The following DGUOK variants were observed in gnomAD, a reference collection of about 807,000 sequenced individuals.
The protein encoded by DGUOK is deoxyguanosine kinase.
Under a neutral mutation model 36.6 loss-of-function variants are expected in DGUOK, and 30 were observed. That is an observed-to-expected ratio of 0.82 (90% CI 0.61 to 1.11). The LOEUF (loss-of-function observed/expected upper bound fraction) is 1.11. Among genes scored for constraint, DGUOK ranks in the 50% most tolerant of loss-of-function variants. The probability of loss-of-function intolerance (pLI) is 0.00; values close to 1 mark genes in which losing one functional copy is unlikely to be tolerated. For synonymous variants in DGUOK, 145 were observed against 126.3 expected (o/e 1.15, Z -0.99); for missense variants, 361 against 336.4 (o/e 1.07, Z -0.57).
At chr2:73,933,266 G>A (rs1681194979) in intron 1 of DGUOK, among the ~76,000 whole-genome samples, 1 of 152,206 alleles carries the variant, frequency 6.6e-6, no homozygotes, top group Non-Finnish European at 1.5e-5. Context: ...GATTCTCTGT[G>A]CCTGTGACTC....
At chr2:73,928,730 A>G (rs559152378) in intron 1 of DGUOK, among the ~76,000 whole-genome samples, 1 of 152,164 alleles carries the variant, frequency 6.6e-6, no homozygotes, top group African/African-American at 2.4e-5. Context: ...AGCCATTGGA[A>G]GGTTTGAGGA....
chr2:73,926,979 C>A lies in DGUOK; in HGVS notation c.69C>A (p.Leu23=). The change falls in exon 1 of 7, where the codon CTC becomes CTA. Residue 23 remains leucine (L), a synonymous_variant. Transcript: ENST00000264093. ...TCAGTTCCATGGCCAAGAGCCCACT[C>A]GAGGGCGTTTCCTCCTCCAGAGGCC... is the stretch of plus-strand genomic sequence containing the variant. ...APFSSMAKSP[L]EGVSSSRGLH... The A allele has an allele frequency of 6.2e-7, 1 of 1,612,794 alleles. No homozygotes were observed. Among genetic ancestry groups the A allele is most frequent in the South Asian group, 1.1e-5 (1 of 91,090 alleles).
rs1179028732 is a variant in DGUOK at position 73,950,727 on chromosome 2, C to T, written c.586C>T (p.Pro196Ser). Residue 196 changes from proline (P) to serine (S), a missense_variant, in exon 4 of 7, where the codon CCC becomes TCC. Coordinates refer to ENST00000264093, the MANE Select transcript of DGUOK (RefSeq NM_080916.3). ...LHGFIYLQAS[P>S]QVCLKRLYQR... is the part of the protein sequence containing the mutation. ...TGGCTTCATCTACCTCCAGGCTTCT[C>T]CCCAGGTAACACTGAACCTACAACC... The T allele has an allele frequency of 3.1e-6, 5 of 1,614,160 alleles. No individual in the cohort carries two copies. The South Asian group carries it at 3.3e-5, about 11-fold the overall frequency.
intron 5 of DGUOK, 69 bp from the exon 6 acceptor site, chr2:73,958,077 G>T: frequency 8.3e-7 from 1 of 1,200,436 alleles, no homozygotes; most frequent in South Asian, 1.2e-5. Context: ...AAGACTTGGC[G>T]AGTATGTGAA....
At chr2:73,931,052 T>G (rs1680995643) in intron 1 of DGUOK, among the ~76,000 whole-genome samples, 1 of 152,088 alleles carries the variant, frequency 6.6e-6, no homozygotes. Context: ...AGCTTCGGCC[T>G]CCCAAAGTGC....
intron 2 of DGUOK, among the ~76,000 whole-genome samples, chr2:73,944,207 A>G (rs1017509895): frequency 6.6e-6 from 1 of 152,038 alleles, no homozygotes; most frequent in African/African-American, 2.4e-5. Flanking sequence ...TTTTGTGGAG[A>G]CAGAGTCTCA....
Position 73,938,922 on chromosome 2 carries a change from C to T in DGUOK, c.155C>T (p.Ser52Phe), listed in dbSNP as rs1204316787. 11 of 1,612,854 alleles carry T rather than the reference C, an allele frequency of 6.8e-6. No homozygotes were observed. The highest frequency in any genetic ancestry group is 9.3e-6 in the Non-Finnish European group (11 of 1,179,006). Reference protein sequence around the residue: ...SIEGNIAVGKSTFVKLLTKTY... With the variant: ...SIEGNIAVGKFTFVKLLTKTY... ...ATTTGCATTGCAGCTGTGGGAAAGT[C>T]CACGTTTGTGAAGTTACTCACGAAA... The change falls in exon 2 of 7, where the codon TCC becomes TTC. Residue 52 changes from serine to phenylalanine, a missense_variant. Ser to Phe is a radical substitution (Grantham distance 155, BLOSUM62 -2). Transcript: ENST00000264093.
intron 2 of DGUOK, among the ~76,000 whole-genome samples, chr2:73,943,368 C>T (rs1487715727): frequency 2.0e-5 from 3 of 149,332 alleles, no homozygotes; most frequent in Non-Finnish European, 4.4e-5. Context: ...CACTTTGCTG[C>T]CCAGGCTGGT....
At chr2:73,944,101 C>G (rs1682111648) in intron 2 of DGUOK, among the ~76,000 whole-genome samples, 1 of 152,140 alleles carries the variant, frequency 6.6e-6, no homozygotes, top group Non-Finnish European at 1.5e-5. Context: ...CACTGTAGCA[C>G]TGAACTCCTG....
chr2:73,945,212 A>G (rs1192931813), intron 2 of DGUOK, among the ~76,000 whole-genome samples: 1 of 152,220 alleles, frequency 6.6e-6, no homozygotes, highest in African/African-American at 2.4e-5. Flanking sequence ...TCTACTCATC[A>G]GTTACTTCCC....
At chr2:73,941,485 A>G (rs931505897) in intron 2 of DGUOK, among the ~76,000 whole-genome samples, 5 of 152,228 alleles carry the variant, frequency 3.3e-5, no homozygotes, top group Non-Finnish European at 7.3e-5. Context: ...AGATTTACAT[A>G]TACTTACATA....
chr2:73,950,825 A>G, intron 4 of DGUOK, 93 bp downstream of exon 4: 2 of 1,537,200 alleles, frequency 1.3e-6, no homozygotes, highest in Admixed American at 3.3e-5. Flanking sequence ...TGGAGAGATT[A>G]GAGCGTAGAC....
chr2:73,945,712 C>T (rs1355448551), intron 2 of DGUOK, among the ~76,000 whole-genome samples: 5 of 152,186 alleles, frequency 3.3e-5, no homozygotes, highest in Non-Finnish European at 7.3e-5. Context: ...TGCTTTTGTA[C>T]AAAATTCACT....
At chr2:73,948,590 T>C (rs7606862) in intron 3 of DGUOK, among the ~76,000 whole-genome samples, 86,589 of 152,178 alleles carry the variant, frequency 0.57, 25,912 homozygotes, top group Non-Finnish European at 0.65. Flanking sequence ...ACCCAGTCCC[T>C]GCCTAACAGG....
rs1804599 is a variant in DGUOK, at chr2:73,946,886, G to A, written c.423G>A (p.Glu141=). The part of the protein sequence containing the change: ...LQARKPVQIF[E]RSVYSDRYIF... ...CCAGGAAGCCAGTACAGATCTTTGA[G>A]AGGTCTGTGTACAGTGACAGGTAAA... is the stretch of plus-strand genomic sequence containing the variant. Residue 141 remains glutamate, a synonymous_variant, in exon 3 of 7, where the codon GAG becomes GAA. Coordinates refer to ENST00000264093, the MANE Select transcript of DGUOK (RefSeq NM_080916.3). 2.7e-3 allele frequency: 4,401 copies of A among 1,612,918 alleles called. 124 individuals are homozygous for A. The African/African-American group carries it at 0.05, about 18-fold the overall frequency.
At chr2:73,939,584 A>G (rs956972433) in intron 2 of DGUOK, among the ~76,000 whole-genome samples, 7 of 152,228 alleles carry the variant, frequency 4.6e-5, no homozygotes, top group Non-Finnish European at 1.0e-4. Flanking sequence ...CAGAGGCCAT[A>G]GAGTTGGTTT....
intron 3 of DGUOK, 59 bp downstream of exon 3, chr2:73,946,965 C>G (rs1682384983): frequency 3.4e-6 from 5 of 1,457,146 alleles, no homozygotes; most frequent in Non-Finnish European, 4.7e-6. Context: ...CCTGTTTGAT[C>G]TTGCACAGAT....
chr2:73,935,082 A>ATAAG (rs1681358059), intron 1 of DGUOK, among the ~76,000 whole-genome samples: 1 of 109,392 alleles, frequency 9.1e-6, no homozygotes, highest in African/African-American at 3.0e-5. Flanking sequence ...TCAAAAATAA[A>ATAAG]TAAATAAACA....
chr2:73,953,350 A>G (rs1682843000), intron 4 of DGUOK, among the ~76,000 whole-genome samples: 1 of 151,848 alleles, frequency 6.6e-6, no homozygotes, highest in African/African-American at 2.4e-5. Flanking sequence ...TGGAGAGGCT[A>G]ATTGAAATAT....
Sources: allele counts gnomAD v4.1 joint callset (sites outside exome capture counted in the v4.1 genomes callset), GRCh38; gene constraint gnomAD v4.1.1; transcripts MANE v1.5; gene names NCBI Gene and HGNC (gene_info 2026-07-23, HGNC 2026-07-21).